Variants in MAPK9 observed in about 807,000 individuals in gnomAD.
MAPK9 encodes the protein Jun kinase.
In MAPK9, 30 loss-of-function variants were observed where a neutral mutation model predicts 57.1. That is an observed-to-expected ratio of 0.53 (90% CI 0.39 to 0.71). The LOEUF is 0.71. Among genes scored for constraint, MAPK9 ranks in the 30% least tolerant of loss-of-function variants. MAPK9 has a pLI of 0.00. For missense variants in MAPK9, 362 were observed against 521.0 expected, an observed-to-expected ratio of 0.69 and a Z score of 2.97; for synonymous variants, 155 against 177.0, an observed-to-expected ratio of 0.88 and a Z score of 0.99.
chr5:180,269,586 G>A (rs1025002876), intron 2 of MAPK9, among the ~76,000 whole-genome samples, 177 bp from the exon 3 acceptor site: 2 of 152,228 alleles, frequency 1.3e-5, no homozygotes, highest in African/African-American at 4.8e-5. Flanking sequence ...ACTACAGCAT[G>A]TACTAACTCC....
At chr5:180,257,436 T>C (rs557415889) in intron 5 of MAPK9, among the ~76,000 whole-genome samples, 13 of 152,374 alleles carry the variant, frequency 8.5e-5, no homozygotes, top group African/African-American at 3.1e-4. Flanking sequence ...CCTCTTGCTG[T>C]TGGAACATAA....
intron 3 of MAPK9, among the ~76,000 whole-genome samples, chr5:180,266,338 G>C (rs1760545941): frequency 6.7e-6 from 1 of 149,870 alleles, no homozygotes. Flanking sequence ...TTTTGAGATG[G>C]AGTTTCATTC....
At chr5:180,257,649 G>A in intron 5 of MAPK9, 1 of 152,234 alleles carries the variant, frequency 6.6e-6, no homozygotes. Context: ...TCCCTAAGCA[G>A]GATGCCATAG....
At chr5:180,285,285 A>G (rs1252946033) in intron 1 of MAPK9, among the ~76,000 whole-genome samples, 3 of 152,190 alleles carry the variant, frequency 2.0e-5, no homozygotes, top group Non-Finnish European at 4.4e-5. Context: ...TCAGATTTGA[A>G]TTTAGGAGTG....
At position 180,241,042 on chromosome 5, in the gene MAPK9, C is replaced by T. The variant is rs1395093532; in HGVS notation, c.985G>A (p.Glu329Lys). Residue 329 changes from glutamate (E) to lysine (K), a missense_variant, in exon 9 of 12, where the codon GAA becomes AAA. Glu to Lys is a moderately conservative substitution (Grantham distance 56). This residue lies in a region of MAPK9 where 199 missense variants were observed against 251.3 expected (regional missense o/e 0.79). Transcript: ENST00000452135. ...PYITVWYDPAEAEAPPPQIYD... is the reference protein window; with the variant it reads ...PYITVWYDPAKAEAPPPQIYD... The stretch of plus-strand genomic sequence containing the variant: ...AAACAGATACTCACGGCTTCTGCTT[C>T]GGCGGGGTCATACCAAACAGTGATG... The T allele has an allele frequency of 6.2e-6, 10 of 1,611,868 alleles. No individual in the cohort carries two copies. Among genetic ancestry groups the T allele is most frequent in the East Asian group, 2.2e-5 (1 of 44,754 alleles).
chr5:180,241,213 C>T (rs1757625206), intron 8 of MAPK9, 58 bp from the exon 9 acceptor site: 9 of 1,458,014 alleles, frequency 6.2e-6, no homozygotes, highest in Non-Finnish European at 7.5e-6. Flanking sequence ...CAGAATCATA[C>T]AATAAAGAAC....
chr5:180,279,696 A>T, intron 2 of MAPK9: 1 of 364,140 alleles, frequency 2.7e-6, no homozygotes, highest in South Asian at 2.0e-5. Flanking sequence ...AAAAAAAGAA[A>T]AAGAAAAAGA....
At chr5:180,268,437 AGAGTATCAATT>A (rs1468368977) in intron 3 of MAPK9, among the ~76,000 whole-genome samples, 4 of 152,252 alleles carry the variant, frequency 2.6e-5, no homozygotes, top group Admixed American at 6.5e-5. Context: ...TTATAGAAAC[AGAGTATCAATT>A]GATATTCCTA....
Position 180,269,373 on chromosome 5 carries a change from T to C in MAPK9, c.159A>G (p.Ala53=), listed in dbSNP as rs1310844381. 6.2e-7 allele frequency: 1 copy of C among 1,614,000 alleles called. No individual in the cohort carries two copies. Among genetic ancestry groups the C allele is most frequent in the African/African-American group, 1.3e-5 (1 of 74,958 alleles). Residue 53 remains alanine (A), a synonymous_variant, in exon 3 of 12, where the codon GCA becomes GCG. Transcript: ENST00000452135. ...GAAAAGGACGGCTTAGTTTCTTGAC[T>C]GCAACATTTATCCCAAGAACTGTAT... is the stretch of plus-strand genomic sequence containing the variant. ...AFDTVLGINV[A]VKKLSRPFQN... is the part of the protein sequence containing the mutation.
In MAPK9 at chr5:180,234,757, A is replaced by C. The variant is rs1236609435; in HGVS notation, c.*1627T>G. 6.6e-6 allele frequency: 1 copy of C among 152,234 alleles called. No homozygotes were observed. 9.4% of individuals were successfully genotyped at this position (152,234 alleles called of 1,614,324 possible). A position where few individuals can be genotyped will look rare whatever the true frequency, so the allele number is the denominator to read the frequency against. ...GTGTCCAAATGACACAATATAAAAG[A>C]ACTATTTCTTATTTCAATATTAATT... On this transcript the variant is annotated 3_prime_UTR_variant, in exon 12 of 12. Coordinates refer to ENST00000452135, the MANE Select transcript of MAPK9 (RefSeq NM_002752.5).
chr5:180,278,823 T>C (rs746345416), intron 2 of MAPK9, among the ~76,000 whole-genome samples: 33 of 151,134 alleles, frequency 2.2e-4, no homozygotes, highest in Non-Finnish European at 3.7e-4. Context: ...CATGCACACA[T>C]CAAATTATCT....
In MAPK9 at chr5:180,291,601, C is replaced by T. The variant is rs1763243163; in HGVS notation, c.-48+247G>A. ...CCCCACCTCCGGGAGGGATGGCGCCCGCAGACCCCACGGGCAGGTCGGCCG... is the reference window on the plus strand; with the variant it reads ...CCCCACCTCCGGGAGGGATGGCGCCTGCAGACCCCACGGGCAGGTCGGCCG... On this transcript the variant is annotated intron_variant, in intron 1 of 11. Transcript: ENST00000452135. Among the ~76,000 whole-genome samples the T allele has an allele frequency of 7.9e-5, 12 of 152,126 alleles. No individual in the cohort carries two copies. In the South Asian group the frequency reaches 2.5e-3, roughly 31 times the overall value.
chr5:180,237,983 AAAAAT>A (rs1431806373), intron 11 of MAPK9: 1 of 172,454 alleles, frequency 5.8e-6, no homozygotes, highest in Non-Finnish European at 1.2e-5. Context: ...CTAAAAATAC[AAAAAT>A]TAGCCAGGCA....
chr5:180,284,800 C>T (rs1016192676), intron 1 of MAPK9, among the ~76,000 whole-genome samples: 3 of 152,080 alleles, frequency 2.0e-5, no homozygotes, highest in Non-Finnish European at 4.4e-5. Context: ...GGCCATTCAA[C>T]AGAATGCAAG....
intron 1 of MAPK9, among the ~76,000 whole-genome samples, chr5:180,291,454 G>A (rs1360442822): frequency 6.6e-6 from 1 of 152,202 alleles, no homozygotes. Flanking sequence ...CTGTCCAGAA[G>A]AGACATTTCC....
intron 3 of MAPK9, among the ~76,000 whole-genome samples, chr5:180,265,240 G>A (rs1245006327): frequency 6.6e-6 from 1 of 152,126 alleles, no homozygotes; most frequent in Non-Finnish European, 1.5e-5. Context: ...TAAAGTGAAA[G>A]GCCTCGTAGC....
At chr5:180,291,336 C>G (rs1169782273) in intron 1 of MAPK9, among the ~76,000 whole-genome samples, 1 of 152,022 alleles carries the variant, frequency 6.6e-6, no homozygotes, top group East Asian at 1.9e-4. Flanking sequence ...GAGGGGGTTC[C>G]TACACCACTC....
At chr5:180,256,600 G>A (rs1759312296) in intron 5 of MAPK9, among the ~76,000 whole-genome samples, 1 of 152,192 alleles carries the variant, frequency 6.6e-6, no homozygotes, top group African/African-American at 2.4e-5. Context: ...TGCCAGGTGG[G>A]TGGGGATGGT....
At chr5:180,269,822 T>C (rs1761085734) in intron 2 of MAPK9, among the ~76,000 whole-genome samples, 1 of 152,226 alleles carries the variant, frequency 6.6e-6, no homozygotes, top group African/African-American at 2.4e-5. Context: ...GTAGAGGAAA[T>C]GGCTGAATTC....
Sources: gnomAD v4.1 joint callset for allele counts (sites outside exome capture counted in the v4.1 genomes callset) on GRCh38, gnomAD v4.1.1 for gene constraint, gnomAD v4.1.1 regional missense constraint, MANE v1.5 for transcripts, NCBI Gene and HGNC (gene_info 2026-07-23, HGNC 2026-07-21) for gene names.